The following FHOD3 variants were observed in gnomAD, a reference collection of about 807,000 sequenced individuals.
FHOD3 encodes formin homology 2 domain containing 3.
FHOD3 carries 90 observed loss-of-function variants against 173.0 expected under a neutral mutation model. The observed-to-expected ratio is 0.52, with a 90% CI of 0.44 to 0.62. The LOEUF is 0.62. Among genes scored for constraint, FHOD3 ranks in the 20% least tolerant of loss-of-function variants. The probability of loss-of-function intolerance (pLI) is 0.00; values close to 1 mark genes in which losing one functional copy is unlikely to be tolerated. For missense variants in FHOD3, 1,945 were observed against 2,034.7 expected, an observed-to-expected ratio of 0.96 and a Z score of 0.85; for synonymous variants, 828 against 823.0, an observed-to-expected ratio of 1.01 and a Z score of -0.10.
intron 3 of FHOD3, among the ~76,000 whole-genome samples, chr18:36,394,682 G>GT (rs1351366197): frequency 2.0e-5 from 3 of 152,180 alleles, no homozygotes; most frequent in Admixed American, 2.0e-4. Context: ...AGAGCAAGAT[G>GT]TTTCAGTTCA....
chr18:36,557,333 T>A (rs573583675), intron 5 of FHOD3, among the ~76,000 whole-genome samples: 9 of 152,210 alleles, frequency 5.9e-5, no homozygotes, highest in African/African-American at 1.7e-4. Context: ...AATTTTTTTT[T>A]AAATTTTAAA....
intron 17 of FHOD3, among the ~76,000 whole-genome samples, chr18:36,706,402 A>G (rs1434326499): frequency 2.0e-5 from 3 of 152,216 alleles, no homozygotes; most frequent in Non-Finnish European, 2.9e-5. Flanking sequence ...GCAGTCATGA[A>G]AAAAAGATAC....
At chr18:36,740,561 G>A (rs2041853879) in intron 20 of FHOD3, 95 bp from the exon 21 acceptor site, 2 of 1,261,858 alleles carry the variant, frequency 1.6e-6, no homozygotes, top group South Asian at 2.8e-5. Flanking sequence ...TCTACTACCT[G>A]GTTGGAAAAT....
Position 36,744,208 on chromosome 18 carries a change from G to T in FHOD3, c.4041+15G>T, listed in dbSNP as rs770782518. On this transcript the variant is annotated intron_variant, in intron 23 of 28. Transcript: ENST00000590592. The stretch of plus-strand genomic sequence containing the variant: ...GGTCAGCCAAGGTATGTCTGTGGAC[G>T]CTGAGGAGTGGGCCTGGTCTCGCTG... 1.2e-6 allele frequency: 2 copies of T among 1,604,190 alleles called. No individual in the cohort carries two copies. The highest frequency in any genetic ancestry group is 1.7e-6 in the Non-Finnish European group (2 of 1,174,260).
intron 3 of FHOD3, among the ~76,000 whole-genome samples, chr18:36,375,146 CT>C (rs2047377297): frequency 6.6e-6 from 1 of 152,164 alleles, no homozygotes; most frequent in African/African-American, 2.4e-5. Context: ...TATTCTTTCC[CT>C]TTCCAAATGG....
intron 5 of FHOD3, among the ~76,000 whole-genome samples, chr18:36,533,469 GT>G (rs1333904989): frequency 6.6e-6 from 1 of 152,242 alleles, no homozygotes; most frequent in Non-Finnish European, 1.5e-5. Flanking sequence ...TTCTCCAAAA[GT>G]GCTTGTCCTC....
At chr18:36,701,628 A>G (rs2039593499) in intron 17 of FHOD3, among the ~76,000 whole-genome samples, 1 of 152,148 alleles carries the variant, frequency 6.6e-6, no homozygotes, top group Non-Finnish European at 1.5e-5. Context: ...TCCTTGAACC[A>G]TTCCTGATTC....
At chr18:36,352,105 T>G (rs1778791885) in intron 1 of FHOD3, among the ~76,000 whole-genome samples, 1 of 152,114 alleles carries the variant, frequency 6.6e-6, no homozygotes, top group Non-Finnish European at 1.5e-5. Flanking sequence ...ACTTTTCAAA[T>G]GTAGCTATTA....
intron 9 of FHOD3, among the ~76,000 whole-genome samples, chr18:36,619,791 C>G (rs768532048): frequency 1.3e-5 from 2 of 152,174 alleles, no homozygotes; most frequent in Non-Finnish European, 2.9e-5. Context: ...GCAAACATGT[C>G]TATGAAGAAA....
intron 3 of FHOD3, among the ~76,000 whole-genome samples, chr18:36,381,412 A>G (rs760624662): frequency 5.9e-5 from 9 of 152,212 alleles, no homozygotes; most frequent in Non-Finnish European, 1.3e-4. Context: ...TCACTTGGAC[A>G]CTGGTCTCTT....
chr18:36,592,231 T>C (rs1208995718), intron 6 of FHOD3, among the ~76,000 whole-genome samples: 1 of 151,952 alleles, frequency 6.6e-6, no homozygotes, highest in Non-Finnish European at 1.5e-5. Context: ...AAAAAATAAA[T>C]AAATCAGGGT....
At chr18:36,668,743 G>A (rs1240551773) in intron 14 of FHOD3, among the ~76,000 whole-genome samples, 1 of 151,874 alleles carries the variant, frequency 6.6e-6, no homozygotes, top group East Asian at 1.9e-4. Flanking sequence ...TTTACCCCAT[G>A]GGTTATTTTA....
chr18:36,758,997 G>A, intron 25 of FHOD3, 121 bp from the exon 26 acceptor site: 1 of 1,082,880 alleles, frequency 9.2e-7, no homozygotes, highest in South Asian at 1.4e-5. Flanking sequence ...CCTGGTTGTG[G>A]TGACCAGTTT....
chr18:36,709,574 C>A, intron 18 of FHOD3, 183 bp downstream of exon 18: 1 of 632,054 alleles, frequency 1.6e-6, no homozygotes, highest in East Asian at 2.8e-5. Context: ...AGCCAGCAGC[C>A]TTCTGCCCTG....
At chr18:36,487,529 G>A (rs2054253454) in intron 3 of FHOD3, among the ~76,000 whole-genome samples, 1 of 152,210 alleles carries the variant, frequency 6.6e-6, no homozygotes, top group Admixed American at 6.5e-5. Context: ...GGAGATGACA[G>A]AGGGAAATGG....
At chr18:36,511,769 C>T (rs557211950) in intron 4 of FHOD3, among the ~76,000 whole-genome samples, 3 of 152,302 alleles carry the variant, frequency 2.0e-5, no homozygotes, top group African/African-American at 4.8e-5. Flanking sequence ...TGAGAACCAC[C>T]GGATGAGATG....
intron 4 of FHOD3, among the ~76,000 whole-genome samples, chr18:36,511,308 G>GA (rs375364776): frequency 6.7e-6 from 1 of 149,610 alleles, no homozygotes; most frequent in Admixed American, 6.6e-5. Context: ...TTGGTACTAT[G>GA]AAAAAAATGA....
chr18:36,641,721 C>T (rs555892277), intron 10 of FHOD3, among the ~76,000 whole-genome samples: 6 of 152,068 alleles, frequency 3.9e-5, no homozygotes, highest in East Asian at 1.9e-4. Context: ...TTTGGGAGGC[C>T]GAGATGGGTG....
At chr18:36,442,174 C>T (rs548276243) in intron 3 of FHOD3, among the ~76,000 whole-genome samples, 1 of 152,274 alleles carries the variant, frequency 6.6e-6, no homozygotes, top group East Asian at 1.9e-4. Flanking sequence ...ATTCCCTTTC[C>T]CCATTGCTCT....
Sources: gnomAD v4.1 joint callset for allele counts (sites outside exome capture counted in the v4.1 genomes callset) on GRCh38, gnomAD v4.1.1 for gene constraint, MANE v1.5 for transcripts, NCBI Gene and HGNC (gene_info 2026-07-23, HGNC 2026-07-21) for gene names.